Variants in IAH1 observed in about 807,000 individuals in gnomAD.
The protein encoded by IAH1 is isoamyl acetate-hydrolyzing esterase 1 homolog.
In IAH1, 24 loss-of-function variants were observed where a neutral mutation model predicts 26.7. The ratio of observed to expected loss-of-function variants is 0.90; its 90% CI spans 0.65 to 1.26. The LOEUF (loss-of-function observed/expected upper bound fraction) is 1.26, where lower values mean the gene tolerates loss of function less well. Among genes scored for constraint, IAH1 ranks in the 50% most tolerant of loss-of-function variants. The pLI is 0.00. For missense variants in IAH1, 300 were observed against 299.9 expected, an observed-to-expected ratio of 1.00 and a Z score of 0.00; for synonymous variants, 140 against 118.5, an observed-to-expected ratio of 1.18 and a Z score of -1.18.
Position 9,488,853 on chromosome 2 carries a change from C to T in IAH1, c.*524C>T, listed in dbSNP as rs751778319. 2 of 152,154 alleles carry T rather than the reference C, an allele frequency of 1.3e-5. No individual in the cohort carries two copies. Among genetic ancestry groups the T allele is most frequent in the Non-Finnish European group, 2.9e-5 (2 of 68,038 alleles). The allele number at this position is 152,154 out of a possible 1,614,324, so 9.4% of individuals were successfully genotyped here. On this transcript the variant is annotated 3_prime_UTR_variant, in exon 6 of 6. Coordinates refer to ENST00000497473, the MANE Select transcript of IAH1 (RefSeq NM_001039613.3). ...TTAGTCACAGGTTTGGTTAACTGCC[C>T]TCAAAATTTACAAGTTAAAATGTTT...
downstream of IAH1, chr2:9,493,763 C>T (rs1662344986): frequency 6.2e-7 from 1 of 1,613,812 alleles, no homozygotes; most frequent in African/African-American, 1.3e-5. Flanking sequence ...TATTGATGCT[C>T]AGCTGGTCAA....
At chr2:9,490,623 G>A, downstream of IAH1, 3 of 1,220,130 alleles carry the variant, frequency 2.5e-6, 1 homozygote, top group Non-Finnish European at 3.3e-6. Context: ...TGTTGGCACT[G>A]TGATGCTAAG....
At chr2:9,474,542 C>CCGCCT, upstream of IAH1, 1 of 1,398,618 alleles carries the variant, frequency 7.1e-7, no homozygotes, top group Non-Finnish European at 9.4e-7. The surrounding 1 kb of genome is among the most constrained non-coding windows in gnomAD (Gnocchi z 4.3). Context: ...GCTGGCGGCC[C>CCGCCT]CGCCCCGCCC....
In IAH1 at chr2:9,474,795, C is replaced by T. The variant is rs889387352; in HGVS notation, c.81+148C>T. 1.0e-5 allele frequency: 6 copies of T among 593,972 alleles called. No homozygotes were observed. Among genetic ancestry groups the T allele is most frequent in the Non-Finnish European group, 1.6e-5 (6 of 386,396 alleles). 36.8% of individuals were successfully genotyped at this position (593,972 alleles called of 1,614,324 possible). A position where few individuals can be genotyped will look rare whatever the true frequency, so the allele number is the denominator to read the frequency against. On this transcript the variant is annotated intron_variant, in intron 1 of 5. Transcript: ENST00000497473. This position sits in a 1 kb window ranked among gnomAD's most constrained non-coding sequence, Gnocchi z 4.3. ...GCCCGTGGAGACACCGGAGGAGTGG[C>T]GGGTCCCCCAGTGGCTGCGCCTTCC...
At chr2:9,475,860 T>A (rs552685453) in intron 1 of IAH1, 127 bp from the exon 2 acceptor site, 694 of 748,216 alleles carry the variant, frequency 9.3e-4, no homozygotes, top group Non-Finnish European at 1.4e-3. Flanking sequence ...CAAAATGACC[T>A]CCTGGAGTGA....
At chr2:9,504,714 A>G in the IAH1 span, among the ~76,000 whole-genome samples, 327 of 150,668 alleles carry the variant, frequency 2.2e-3, 2 homozygotes, top group African/African-American at 7.4e-3. Flanking sequence ...GTAAGCCAAG[A>G]TCGCGCCACT....
upstream of IAH1, chr2:9,474,538 G>GGCACC: frequency 7.7e-7 from 1 of 1,293,724 alleles, no homozygotes; most frequent in Non-Finnish European, 1.0e-6. The surrounding 1 kb of genome is among the most constrained non-coding windows in gnomAD (Gnocchi z 4.3). Flanking sequence ...CGTGGCTGGC[G>GGCACC]GCCCCGCCCC....
chr2:9,510,088 C>G, the IAH1 span: 1 of 1,614,152 alleles, frequency 6.2e-7, no homozygotes, highest in Admixed American at 1.7e-5. Flanking sequence ...ATGTTCTGCT[C>G]CAAAATTATG....
intron 5 of IAH1, chr2:9,484,841 A>C (rs1661385657): frequency 3.2e-6 from 1 of 313,634 alleles, no homozygotes; most frequent in South Asian, 6.6e-5. Flanking sequence ...CTTCTTTCAT[A>C]CAGAGAATGG....
At chr2:9,486,143 G>A (rs1661465467) in intron 5 of IAH1, 1 of 152,190 alleles carries the variant, frequency 6.6e-6, no homozygotes, top group Non-Finnish European at 1.5e-5. Context: ...TCTGTAATAG[G>A]GAAAATGGTC....
At chr2:9,497,107 TG>T, downstream of IAH1, 1 of 1,613,172 alleles carries the variant, frequency 6.2e-7, no homozygotes, top group South Asian at 1.1e-5. Flanking sequence ...GGAATAAAAC[TG>T]CTCACCATTA....
At chr2:9,485,256 A>C (rs1661408587) in intron 5 of IAH1, 1 of 152,350 alleles carries the variant, frequency 6.6e-6, no homozygotes, top group African/African-American at 2.4e-5. Context: ...AGGAACTGAC[A>C]AGCGCAGCAA....
chr2:9,506,400 C>G, the IAH1 span, among the ~76,000 whole-genome samples: 1 of 118,244 alleles, frequency 8.5e-6, no homozygotes. Flanking sequence ...TGGAGTCTTG[C>G]TCTGTCACCA....
At position 9,482,166 on chromosome 2, in the gene IAH1, T is replaced by C. The variant is rs1188415976; in HGVS notation, c.445+719T>C. Among the ~76,000 whole-genome samples, 4 of 151,816 alleles carry C rather than the reference T, an allele frequency of 2.6e-5. No homozygotes were observed. The East Asian group carries it at 7.8e-4, about 29-fold the overall frequency. On this transcript the variant is annotated intron_variant, in intron 4 of 5. Transcript: ENST00000497473. The stretch of plus-strand genomic sequence containing the variant: ...GCCTCAGCCTCCTGAGTAGCTGGGA[T>C]TATGGGTGTGCACCACCACGCCCGG...
chr2:9,491,253 A>T, downstream of IAH1: 7 of 1,076,492 alleles, frequency 6.5e-6, no homozygotes, highest in Non-Finnish European at 9.5e-6. Context: ...AGAACTTAGA[A>T]CCTGAGTTGT....
At chr2:9,482,422 C>CT (rs1299270350) in intron 4 of IAH1, among the ~76,000 whole-genome samples, 2 of 152,150 alleles carry the variant, frequency 1.3e-5, no homozygotes, top group Non-Finnish European at 2.9e-5. Context: ...TGGTCTGACT[C>CT]TGAGTTAACT....
Position 9,488,707 on chromosome 2 carries a change from TATAAGA to T in IAH1, c.*382_*387del, listed in dbSNP as rs1227043389. 1.3e-5 allele frequency: 2 copies of T among 157,356 alleles called. No homozygotes were observed. Among genetic ancestry groups the T allele is most frequent in the Non-Finnish European group, 2.8e-5 (2 of 71,630 alleles). The allele number at this position is 157,356 out of a possible 1,614,324, so 9.7% of individuals were successfully genotyped here. A position where few individuals can be genotyped will look rare whatever the true frequency, so the allele number is the denominator to read the frequency against. ...TCAAATTCCAAAAGTGTAACTAAAG[TATAAGA>T]ATATCATGACTAGTTAAAAGATAGC... On this transcript the variant is annotated 3_prime_UTR_variant, in exon 6 of 6. Transcript: ENST00000497473.
downstream of IAH1, among the ~76,000 whole-genome samples, chr2:9,498,304 T>A (rs1239794552): frequency 6.6e-6 from 1 of 152,174 alleles, no homozygotes; most frequent in Non-Finnish European, 1.5e-5. Flanking sequence ...AGTGCTGGAA[T>A]GATAGGCATG....
At chr2:9,499,637 C>T (rs535928397), downstream of IAH1, among the ~76,000 whole-genome samples, 726 of 152,190 alleles carry the variant, frequency 4.8e-3, 5 homozygotes, top group Non-Finnish European at 7.7e-3. Context: ...CTCCTGATCT[C>T]GTGATCTGCC....
Sources: gnomAD v4.1 joint callset for allele counts (sites outside exome capture counted in the v4.1 genomes callset) on GRCh38, gnomAD v4.1.1 for gene constraint, Gnocchi (gnomAD v3.1) non-coding constraint, MANE v1.5 for transcripts, NCBI Gene and HGNC (gene_info 2026-07-23, HGNC 2026-07-21) for gene names.